KSR2: variants seen among roughly 807,000 people sequenced by gnomAD.
The protein encoded by KSR2 is kinase suppressor of ras 2.
Under a neutral mutation model 107.8 loss-of-function variants are expected in KSR2, and 25 were observed. That is an observed-to-expected ratio of 0.23 (90% CI 0.17 to 0.32). The LOEUF (loss-of-function observed/expected upper bound fraction) is 0.32. Among genes scored for constraint, KSR2 ranks in the 10% least tolerant of loss-of-function variants. The probability of loss-of-function intolerance (pLI) is 1.00; values close to 1 mark genes in which losing one functional copy is unlikely to be tolerated. For synonymous variants in KSR2, 480 were observed against 507.0 expected (o/e 0.95, Z 0.71); for missense variants, 887 against 1,268.9 (o/e 0.70, Z 4.57).
intron 13 of KSR2, among the ~76,000 whole-genome samples, chr12:117,526,732 C>T (rs1179901789): frequency 6.6e-6 from 1 of 152,172 alleles, no homozygotes; most frequent in East Asian, 1.9e-4. Flanking sequence ...ATCCCTGAGG[C>T]CCCCACCTCT....
rs557778310 is a variant in KSR2 at position 117,958,884 on chromosome 12, T to C, written c.180+9192A>G. On this transcript the variant is annotated intron_variant, in intron 1 of 19. Coordinates refer to ENST00000339824, the MANE Select transcript of KSR2 (RefSeq NM_173598.6). ...TATGTAGCCATTACAAATAATACTT[T>C]TTACAGATATATAGAAAAAATAAGA... 5.1e-3 allele frequency among the ~76,000 whole-genome samples: 551 copies of C among 107,498 alleles called. 4 individuals are homozygous for C. Among genetic ancestry groups the C allele is most frequent in the Middle Eastern group, 0.038 (9 of 236 alleles). 70.5% of individuals were successfully genotyped at this position (107,498 alleles called of 152,430 possible). A position where few individuals can be genotyped will look rare whatever the true frequency, so the allele number is the denominator to read the frequency against.
intron 6 of KSR2, among the ~76,000 whole-genome samples, chr12:117,579,821 C>A (rs574785624): frequency 2.6e-5 from 4 of 152,150 alleles, no homozygotes; most frequent in African/African-American, 9.7e-5. Context: ...GCTCTCCAAC[C>A]CCATCCACTT....
At chr12:117,913,317 G>A (rs941896291) in intron 1 of KSR2, among the ~76,000 whole-genome samples, 3 of 152,150 alleles carry the variant, frequency 2.0e-5, no homozygotes, top group Non-Finnish European at 2.9e-5. Context: ...CCACTGCCAA[G>A]CCCTATGGAA....
At chr12:117,599,663 A>G (rs1333977931) in intron 5 of KSR2, among the ~76,000 whole-genome samples, 2 of 152,054 alleles carry the variant, frequency 1.3e-5, no homozygotes, top group Middle Eastern at 3.2e-3. Context: ...GTGACCAAGA[A>G]AAATATCTCT....
In KSR2 at chr12:117,453,014, C is replaced by G. The variant is rs1870413208; in HGVS notation, c.*14185G>C. 1 of 152,554 alleles carries G rather than the reference C, an allele frequency of 6.6e-6. No homozygotes were observed. Among genetic ancestry groups the G allele is most frequent in the Non-Finnish European group, 1.5e-5 (1 of 68,030 alleles). The allele number at this position is 152,554 out of a possible 1,614,324, so 9.5% of individuals were successfully genotyped here. On this transcript the variant is annotated 3_prime_UTR_variant, in exon 20 of 20. Coordinates refer to ENST00000339824, the MANE Select transcript of KSR2 (RefSeq NM_173598.6). ...AAGCTTCTTTCTGTACAACAGACAA[C>G]AATAGAATTCAGACCTGTCTTGGCA...
chr12:117,518,988 C>T (rs1874565686), intron 14 of KSR2, among the ~76,000 whole-genome samples: 2 of 152,190 alleles, frequency 1.3e-5, no homozygotes, highest in Admixed American at 1.3e-4. Flanking sequence ...AATGATCTTA[C>T]GTGTTTGTTT....
intron 3 of KSR2, among the ~76,000 whole-genome samples, chr12:117,849,257 C>T (rs1056014206): frequency 6.6e-6 from 1 of 152,156 alleles, no homozygotes; most frequent in Non-Finnish European, 1.5e-5. Flanking sequence ...TCACACACTG[C>T]ATAAGGTACG....
chr12:117,598,123 A>G (rs550110224), intron 5 of KSR2, among the ~76,000 whole-genome samples: 1 of 152,276 alleles, frequency 6.6e-6, no homozygotes, highest in South Asian at 2.1e-4. Context: ...GTAGTCTTTT[A>G]TCCCTCAGCT....
intron 1 of KSR2, among the ~76,000 whole-genome samples, chr12:117,893,558 T>G (rs1445200335): frequency 6.6e-6 from 1 of 152,186 alleles, no homozygotes; most frequent in African/African-American, 2.4e-5. Flanking sequence ...ACCTGTGAGA[T>G]TTGGGTCAAG....
chr12:117,726,847 A>C lies in KSR2; in HGVS notation c.986+34164T>G, dbSNP rs527669056. Among the ~76,000 whole-genome samples the C allele has an allele frequency of 4.2e-4, 64 of 152,286 alleles. No individual in the cohort carries two copies. In the Middle Eastern group the frequency reaches 0.017, roughly 40 times the overall value. Reference sequence around the variant, plus strand: ...GAATATATTTCCACAACAACAACAAAAAAAACTTGTACAAGAATGTTCTAA... The same window carrying C: ...GAATATATTTCCACAACAACAACAACAAAAACTTGTACAAGAATGTTCTAA... On this transcript the variant is annotated intron_variant, in intron 4 of 19. Transcript: ENST00000339824.
intron 3 of KSR2, among the ~76,000 whole-genome samples, chr12:117,806,262 G>T (rs183114408): frequency 1.4e-3 from 209 of 152,254 alleles, no homozygotes; most frequent in African/African-American, 4.9e-3. Context: ...CCAATCCCCT[G>T]CAAGTTAGAA....
At chr12:117,676,509 G>C (rs1047045886) in intron 4 of KSR2, among the ~76,000 whole-genome samples, 2 of 152,022 alleles carry the variant, frequency 1.3e-5, no homozygotes, top group African/African-American at 4.8e-5. Context: ...AGAAGGATGA[G>C]AAAAAGGAAG....
chr12:117,701,884 C>A (rs1238112835), intron 4 of KSR2, among the ~76,000 whole-genome samples: 1 of 152,186 alleles, frequency 6.6e-6, no homozygotes, highest in Non-Finnish European at 1.5e-5. Flanking sequence ...GACCTGCTAA[C>A]ACCTTGCTCA....
intron 3 of KSR2, among the ~76,000 whole-genome samples, chr12:117,853,422 A>G (rs1892992029): frequency 6.6e-6 from 1 of 152,140 alleles, no homozygotes; most frequent in South Asian, 2.1e-4. Context: ...AGCTTGCTGC[A>G]GACTTGACCT....
At chr12:117,701,601 C>T (rs149476868) in intron 4 of KSR2, among the ~76,000 whole-genome samples, 1,886 of 152,186 alleles carry the variant, frequency 0.012, 17 homozygotes, top group Non-Finnish European at 0.017. Flanking sequence ...TCCTTATAGA[C>T]GTAATTAAGT....
In KSR2 at chr12:117,464,430, T is replaced by G. The variant is rs927319008; in HGVS notation, c.*2769A>C. ...ATCTTGGTCGTGTCATTGTATAGAA[T>G]GAGTTGCAGGTGAGGCTGGTAATTA... On this transcript the variant is annotated 3_prime_UTR_variant, in exon 20 of 20. Coordinates refer to ENST00000339824, the MANE Select transcript of KSR2 (RefSeq NM_173598.6). 3.3e-5 allele frequency: 5 copies of G among 152,236 alleles called. No homozygotes were observed. The highest frequency in any genetic ancestry group is 1.2e-4 in the African/African-American group (5 of 41,470). 9.4% of individuals were successfully genotyped at this position (152,236 alleles called of 1,614,324 possible). A position where few individuals can be genotyped will look rare whatever the true frequency, so the allele number is the denominator to read the frequency against.
intron 1 of KSR2, among the ~76,000 whole-genome samples, chr12:117,927,130 C>G (rs985915181): frequency 6.6e-6 from 1 of 151,996 alleles, no homozygotes; most frequent in African/African-American, 2.4e-5. Flanking sequence ...AATCCCAGCA[C>G]TTTGGGAGGC....
intron 5 of KSR2, among the ~76,000 whole-genome samples, chr12:117,664,330 T>A (rs1884562649): frequency 6.6e-6 from 1 of 152,124 alleles, no homozygotes; most frequent in African/African-American, 2.4e-5. Flanking sequence ...CAAGATGACG[T>A]GTCACCACCC....
At position 117,702,263 on chromosome 12, in the gene KSR2, G is replaced by A. The variant is rs146196423; in HGVS notation, c.987-34605C>T. On this transcript the variant is annotated intron_variant, in intron 4 of 19. Transcript: ENST00000339824. Reference sequence around the variant, plus strand: ...GCCCTCCCAACACCAAGCACCTCGCGTTGGTAGCCTTTGTCAGTTCCATTG... The same window carrying A: ...GCCCTCCCAACACCAAGCACCTCGCATTGGTAGCCTTTGTCAGTTCCATTG... Among the ~76,000 whole-genome samples the A allele has an allele frequency of 1.2e-4, 19 of 152,268 alleles. No homozygotes were observed. In the South Asian group the frequency reaches 3.1e-3, roughly 25 times the overall value.
Sources: allele counts gnomAD v4.1 joint callset (sites outside exome capture counted in the v4.1 genomes callset), GRCh38; gene constraint gnomAD v4.1.1; transcripts MANE v1.5; gene names NCBI Gene and HGNC (gene_info 2026-07-23, HGNC 2026-07-21).